AATF: variants seen among roughly 807,000 people sequenced by gnomAD.
The protein encoded by AATF is apoptosis antagonizing transcription factor, also known as protein AATF.
A neutral mutation model predicts 63.7 loss-of-function variants in AATF; 48 were observed. The ratio of observed to expected loss-of-function variants is 0.75; its 90% CI spans 0.60 to 0.96. AATF has a LOEUF of 0.96. AATF is among the 40% of genes least tolerant of loss of function. AATF has a pLI of 0.00. For synonymous variants in AATF, 258 were observed against 247.7 expected, an observed-to-expected ratio of 1.04 and a Z score of -0.39; for missense variants, 639 against 685.7, an observed-to-expected ratio of 0.93 and a Z score of 0.76.
intron 8 of AATF, among the ~76,000 whole-genome samples, chr17:37,009,823 C>CAAAAAAAAAAAA (rs1160362372): frequency 3.5e-5 from 1 of 28,800 alleles, no homozygotes; most frequent in Non-Finnish European, 7.3e-5. Flanking sequence ...GACTCCGTCT[C>CAAAAAAAAAAAA]AAAAAAAAAA....
At chr17:37,013,942 C>T (rs1194713291) in intron 8 of AATF, among the ~76,000 whole-genome samples, 2 of 152,122 alleles carry the variant, frequency 1.3e-5, no homozygotes, top group African/African-American at 4.8e-5. Flanking sequence ...GAGACCTCAT[C>T]CTAGAGCTCT....
At chr17:36,952,458 T>G (rs117669369) in intron 2 of AATF, among the ~76,000 whole-genome samples, 1,703 of 152,370 alleles carry the variant, frequency 0.011, 17 homozygotes, top group Non-Finnish European at 0.017. Context: ...TTTTTTCAGA[T>G]CAGGTTTGGG....
chr17:37,007,980 G>T (rs1017889641), intron 8 of AATF, among the ~76,000 whole-genome samples: 3 of 152,154 alleles, frequency 2.0e-5, no homozygotes, highest in Non-Finnish European at 4.4e-5. Context: ...CTTTTTAAAT[G>T]TATGACTTAC....
At chr17:36,959,466 C>CA (rs1417387947) in intron 4 of AATF, among the ~76,000 whole-genome samples, 4 of 152,074 alleles carry the variant, frequency 2.6e-5, no homozygotes, top group African/African-American at 9.7e-5. Flanking sequence ...AACCAACAAA[C>CA]AAAAAACATG....
chr17:37,034,782 A>C (rs1438134053), intron 11 of AATF: 1 of 152,182 alleles, frequency 6.6e-6, no homozygotes, highest in East Asian at 1.9e-4. Context: ...ATGTCTAAGA[A>C]TATCCCAATA....
chr17:36,960,771 T>C (rs1290787419), intron 4 of AATF, among the ~76,000 whole-genome samples: 6 of 152,210 alleles, frequency 3.9e-5, no homozygotes, highest in Non-Finnish European at 7.3e-5. Flanking sequence ...AATTGTAACA[T>C]TGTGTAGGCT....
chr17:37,001,450 A>G (rs1393289241), intron 8 of AATF, among the ~76,000 whole-genome samples: 1 of 129,196 alleles, frequency 7.7e-6, no homozygotes, highest in Non-Finnish European at 1.7e-5. Context: ...GAAGGAAGGA[A>G]GGAAGAAAAA....
At chr17:36,956,339 T>C (rs547631994) in intron 4 of AATF, among the ~76,000 whole-genome samples, 11 of 152,176 alleles carry the variant, frequency 7.2e-5, no homozygotes, top group African/African-American at 2.7e-4. Context: ...TATGACATAA[T>C]ATGTTGTATA....
intron 7 of AATF, 80 bp downstream of exon 7, chr17:36,989,491 C>T: frequency 7.2e-7 from 1 of 1,391,482 alleles, no homozygotes; most frequent in South Asian, 1.7e-5. Context: ...TAGCTATTAC[C>T]TGTTTATATA....
At position 36,953,160 on chromosome 17, in the gene AATF, G is replaced by T; in HGVS notation, c.558G>T (p.Ala186=). 4 of 1,614,132 alleles carry T rather than the reference G, an allele frequency of 2.5e-6. No individual in the cohort carries two copies. The highest frequency in any genetic ancestry group is 3.4e-6 in the Non-Finnish European group (4 of 1,180,032). The stretch of plus-strand genomic sequence containing the variant: ...GTGGCATGGAAGAAGGGGATGACGC[G>T]GAAGACTCCCAAGGCGAGAGTGAGG... The part of the protein sequence containing the change: ...EESGMEEGDD[A]EDSQGESEED... The change falls in exon 3 of 12, where the codon GCG becomes GCT. Residue 186 remains alanine, a synonymous_variant. Coordinates refer to ENST00000619387, the MANE Select transcript of AATF (RefSeq NM_012138.4).
intron 8 of AATF, among the ~76,000 whole-genome samples, chr17:36,991,365 G>C (rs2071213250): frequency 6.6e-6 from 1 of 152,268 alleles, no homozygotes; most frequent in East Asian, 1.9e-4. Context: ...ATTATAATAA[G>C]AGCATAGTGC....
At chr17:36,952,396 G>A (rs2070862250) in intron 2 of AATF, among the ~76,000 whole-genome samples, 1 of 152,190 alleles carries the variant, frequency 6.6e-6, no homozygotes, top group African/African-American at 2.4e-5. Context: ...CTCATAATGA[G>A]TGCTTAATAA....
intron 4 of AATF, among the ~76,000 whole-genome samples, chr17:36,954,149 C>G (rs887403451): frequency 6.6e-6 from 1 of 150,668 alleles, no homozygotes; most frequent in Admixed American, 6.6e-5. Context: ...GTTACTGCAG[C>G]CTCGTCCTCC....
intron 10 of AATF, among the ~76,000 whole-genome samples, chr17:37,022,266 C>T (rs1011738813): frequency 2.6e-5 from 4 of 152,172 alleles, no homozygotes; most frequent in African/African-American, 9.6e-5. Context: ...GTAGTTAAAC[C>T]CACATCCTTA....
At chr17:36,954,283 T>G (rs1286464389) in intron 4 of AATF, among the ~76,000 whole-genome samples, 2 of 151,936 alleles carry the variant, frequency 1.3e-5, no homozygotes, top group Non-Finnish European at 1.5e-5. Flanking sequence ...GGTCTCACTG[T>G]GTTGTCCAGG....
chr17:37,018,204 A>G (rs942341240), intron 8 of AATF, among the ~76,000 whole-genome samples: 3 of 152,342 alleles, frequency 2.0e-5, no homozygotes, highest in Non-Finnish European at 2.9e-5. Flanking sequence ...TCTTCGCCCA[A>G]GGACTTTAAG....
rs981574256 is a variant in AATF at position 37,056,783 on chromosome 17, G to A, written c.*119G>A. On this transcript the variant is annotated 3_prime_UTR_variant, in exon 12 of 12. Coordinates refer to ENST00000619387, the MANE Select transcript of AATF (RefSeq NM_012138.4). Reference sequence around the variant, plus strand: ...AGGGAAGCCCCTGGAAAGATGCTGCGTTCCGAACCTGTGCCTAATACACGC... The same window carrying A: ...AGGGAAGCCCCTGGAAAGATGCTGCATTCCGAACCTGTGCCTAATACACGC... The A allele has an allele frequency of 2.0e-5, 22 of 1,120,110 alleles. No individual in the cohort carries two copies. The highest frequency in any genetic ancestry group is 2.4e-4 in the Middle Eastern group (1 of 4,176). 69.4% of individuals were successfully genotyped at this position (1,120,110 alleles called of 1,614,324 possible).
At chr17:37,038,792 G>A (rs2071613140) in intron 11 of AATF, among the ~76,000 whole-genome samples, 1 of 151,788 alleles carries the variant, frequency 6.6e-6, no homozygotes, top group Admixed American at 6.6e-5. Context: ...AAAGCTGCTG[G>A]CATTAAAAAA....
chr17:37,017,185 G>A (rs1490091253), intron 8 of AATF, among the ~76,000 whole-genome samples: 1 of 152,206 alleles, frequency 6.6e-6, no homozygotes, highest in African/African-American at 2.4e-5. Context: ...TGATTGCCCA[G>A]TCTCAAGGGA....
Sources: gnomAD v4.1 joint callset for allele counts (sites outside exome capture counted in the v4.1 genomes callset) on GRCh38, gnomAD v4.1.1 for gene constraint, MANE v1.5 for transcripts, NCBI Gene and HGNC (gene_info 2026-07-23, HGNC 2026-07-21) for gene names.